Variants in EPB41L4B observed in about 807,000 individuals in gnomAD.
The protein encoded by EPB41L4B is erythrocyte membrane protein band 4.1 like 4B, also known as band 4.1-like protein 4B.
EPB41L4B carries 30 observed loss-of-function variants against 112.5 expected under a neutral mutation model. The observed-to-expected ratio is 0.27, with a 90% CI of 0.20 to 0.36. EPB41L4B has a LOEUF of 0.36. Among genes scored for constraint, EPB41L4B ranks in the 10% least tolerant of loss-of-function variants. The pLI is 1.00. For synonymous variants in EPB41L4B, 408 were observed against 439.7 expected (o/e 0.93, Z 0.90); for missense variants, 1,024 against 1,133.3 (o/e 0.90, Z 1.38).
At chr9:109,243,468 C>T (rs1834426589) in intron 15 of EPB41L4B, 150 bp downstream of exon 15, 2 of 657,346 alleles carry the variant, frequency 3.0e-6, no homozygotes, top group Non-Finnish European at 2.6e-6. Flanking sequence ...GCTACCTTTG[C>T]TTTGAAAATT....
intron 15 of EPB41L4B, chr9:109,241,643 A>G: frequency 6.2e-7 from 1 of 1,613,764 alleles, no homozygotes; most frequent in Non-Finnish European, 8.5e-7. Context: ...GGTGAATGGA[A>G]GAGAGATGCT....
chr9:109,309,156 G>A (rs954849343), intron 1 of EPB41L4B, among the ~76,000 whole-genome samples: 6 of 152,106 alleles, frequency 3.9e-5, no homozygotes, highest in Non-Finnish European at 2.9e-5. Flanking sequence ...AAGGAGAGTG[G>A]CCACAAACTG....
chr9:109,220,893 C>A (rs1032227534), intron 15 of EPB41L4B, among the ~76,000 whole-genome samples: 1 of 152,152 alleles, frequency 6.6e-6, no homozygotes, highest in African/African-American at 2.4e-5. Flanking sequence ...GAGTATCCAC[C>A]CTCTTCATGC....
intron 1 of EPB41L4B, among the ~76,000 whole-genome samples, chr9:109,283,680 T>C (rs988470417): frequency 3.3e-5 from 5 of 152,178 alleles, no homozygotes; most frequent in Admixed American, 6.5e-5. Context: ...AAAATACATA[T>C]GTGTTATGTA....
chr9:109,200,038 T>C (rs1832768825), intron 20 of EPB41L4B, among the ~76,000 whole-genome samples, 198 bp downstream of exon 20: 2 of 152,156 alleles, frequency 1.3e-5, no homozygotes, highest in East Asian at 1.9e-4. Context: ...TATTACACAG[T>C]AGTCAATAAT....
chr9:109,203,125 G>A (rs1227862220), intron 19 of EPB41L4B, among the ~76,000 whole-genome samples: 1 of 152,216 alleles, frequency 6.6e-6, no homozygotes, highest in Non-Finnish European at 1.5e-5. Flanking sequence ...CTGCACTCCA[G>A]CCTGGGCAAC....
chr9:109,265,943 T>G (rs186163870), intron 4 of EPB41L4B, among the ~76,000 whole-genome samples: 1 of 145,614 alleles, frequency 6.9e-6, no homozygotes, highest in Admixed American at 6.9e-5. Context: ...TAGAGGACTC[T>G]GAGGAGCAAC....
chr9:109,262,391 T>G (rs1835236904), intron 6 of EPB41L4B, among the ~76,000 whole-genome samples: 2 of 151,902 alleles, frequency 1.3e-5, no homozygotes, highest in African/African-American at 4.8e-5. Flanking sequence ...CCTCAACACC[T>G]AAGTCTAATC....
At position 109,174,528 on chromosome 9, in the gene EPB41L4B, A is replaced by T. The variant is rs768062137; in HGVS notation, c.*26T>A. On this transcript the variant is annotated 3_prime_UTR_variant, in exon 26 of 26. Coordinates refer to ENST00000374566, the MANE Select transcript of EPB41L4B (RefSeq NM_019114.5). ...GAAGACGGACAGAAGGCACCATGCC[A>T]TCTTCCAGGTGACAAGGGGAGAATT... is the stretch of plus-strand genomic sequence containing the variant. 1 of 1,599,746 alleles carries T rather than the reference A, an allele frequency of 6.3e-7. No homozygotes were observed. The highest frequency in any genetic ancestry group is 8.6e-7 in the Non-Finnish European group (1 of 1,166,824).
chr9:109,194,622 G>GTT (rs146727948), intron 20 of EPB41L4B, among the ~76,000 whole-genome samples: 1 of 149,778 alleles, frequency 6.7e-6, no homozygotes, highest in African/African-American at 2.5e-5. Flanking sequence ...GTTTTGTTTT[G>GTT]TTGGTAAAAT....
intron 20 of EPB41L4B, among the ~76,000 whole-genome samples, chr9:109,195,430 G>C (rs1035382187): frequency 1.3e-5 from 2 of 152,174 alleles, no homozygotes; most frequent in African/African-American, 4.8e-5. Flanking sequence ...AAGCCTCAAG[G>C]GAAGGACTTA....
chr9:109,253,521 C>T lies in EPB41L4B; in HGVS notation c.1199G>A (p.Gly400Asp), dbSNP rs752307194. The change falls in exon 12 of 26, where the codon GGC becomes GAC. Residue 400 changes from glycine (G) to aspartate (D), a missense_variant. By Grantham distance (94) the Gly-to-Asp change is moderately conservative. Coordinates refer to ENST00000374566, the MANE Select transcript of EPB41L4B (RefSeq NM_019114.5). ...GGTGCTGGTTCTTCGTAACCTGGAG[C>T]CATGTGTAGCTTGATATTCTGTCCG... is the stretch of plus-strand genomic sequence containing the variant. ...SGRTEYQATH[G>D]SRLRRTSTFE... The T allele has an allele frequency of 1.2e-6, 2 of 1,613,614 alleles. No homozygotes were observed. The highest frequency in any genetic ancestry group is 1.7e-6 in the Non-Finnish European group (2 of 1,179,560).
At chr9:109,225,359 C>T (rs763782227) in intron 15 of EPB41L4B, among the ~76,000 whole-genome samples, 2 of 152,160 alleles carry the variant, frequency 1.3e-5, no homozygotes, top group Non-Finnish European at 1.5e-5. Context: ...AAGACATACC[C>T]GAGACTGGGC....
intron 17 of EPB41L4B, among the ~76,000 whole-genome samples, chr9:109,212,820 G>T (rs1232212028): frequency 1.3e-5 from 2 of 152,160 alleles, no homozygotes; most frequent in Non-Finnish European, 2.9e-5. Context: ...GACATTTTTG[G>T]TTGTCACAAC....
intron 15 of EPB41L4B, among the ~76,000 whole-genome samples, chr9:109,226,728 A>ATATATAT (rs1833786707): frequency 7.8e-6 from 1 of 127,574 alleles, no homozygotes. Context: ...TATATGAAGT[A>ATATATAT]TATATATGAA....
At chr9:109,213,613 T>G in intron 17 of EPB41L4B, 87 bp downstream of exon 17, 1 of 1,071,334 alleles carries the variant, frequency 9.3e-7, no homozygotes, top group Non-Finnish European at 1.4e-6. Flanking sequence ...CAAAGGCACT[T>G]GGTTTAGCAG....
At chr9:109,312,227 T>A (rs191211119) in intron 1 of EPB41L4B, among the ~76,000 whole-genome samples, 20 of 152,280 alleles carry the variant, frequency 1.3e-4, no homozygotes, top group African/African-American at 4.8e-4. Context: ...AGGAACAAAG[T>A]GAAACCAACC....
intron 15 of EPB41L4B, chr9:109,240,025 C>T (rs1834298698): frequency 1.0e-6 from 1 of 985,258 alleles, no homozygotes; most frequent in Non-Finnish European, 1.2e-6. Context: ...GATGATCTTG[C>T]TCCACCCACC....
intron 7 of EPB41L4B, 35 bp from the exon 8 acceptor site, chr9:109,256,515 G>A (rs753422299): frequency 2.8e-5 from 45 of 1,581,226 alleles, no homozygotes; most frequent in East Asian, 1.8e-4. Context: ...TGTAAACTGC[G>A]ACTCGTAAGC....
Sources: allele counts gnomAD v4.1 joint callset (sites outside exome capture counted in the v4.1 genomes callset), GRCh38; gene constraint gnomAD v4.1.1; transcripts MANE v1.5; gene names NCBI Gene and HGNC (gene_info 2026-07-23, HGNC 2026-07-21).